Variants in TTF1 observed in about 807,000 individuals in gnomAD.
The protein encoded by TTF1 is transcription termination factor, RNA polymerase I.
In TTF1, 64 loss-of-function variants were observed where a neutral mutation model predicts 80.2. The ratio of observed to expected loss-of-function variants is 0.80; its 90% CI spans 0.65 to 0.98. The LOEUF is 0.98. TTF1 is among the 50% of genes least tolerant of loss of function. The pLI, the probability that TTF1 is intolerant of heterozygous loss-of-function variation, is 0.00. For synonymous variants in TTF1, 372 were observed against 382.7 expected (o/e 0.97, Z 0.33); for missense variants, 1,023 against 1,086.2 (o/e 0.94, Z 0.82).
chr9:132,396,030 C>T (rs1443165566), intron 5 of TTF1, among the ~76,000 whole-genome samples: 1 of 152,212 alleles, frequency 6.6e-6, no homozygotes, highest in Non-Finnish European at 1.5e-5. Context: ...CCAGCACTTA[C>T]CTCCACCTTC....
intron 10 of TTF1, among the ~76,000 whole-genome samples, chr9:132,377,860 G>C (rs553981771): frequency 3.6e-5 from 5 of 137,164 alleles, no homozygotes; most frequent in Non-Finnish European, 7.7e-5. Flanking sequence ...AATGCATGTG[G>C]TGTGAGTGCA....
rs775175174 is a variant in TTF1 at position 132,375,746 on chromosome 9, G to A, written c.*169C>T. 1.6e-4 allele frequency: 89 copies of A among 571,230 alleles called. 1 individual carries two copies. The highest frequency in any genetic ancestry group is 1.4e-3 in the Middle Eastern group (3 of 2,134). 35.4% of individuals were successfully genotyped at this position (571,230 alleles called of 1,614,324 possible). ...ATCTCTCTCTCTCATGCGGTGGTGC[G>A]ATCTTGGCTCACTGCAACCTCCACC... On this transcript the variant is annotated 3_prime_UTR_variant, in exon 11 of 11. Transcript: ENST00000334270.
At chr9:132,386,381 G>A (rs866888326) in intron 9 of TTF1, among the ~76,000 whole-genome samples, 175 bp downstream of exon 9, 5 of 152,176 alleles carry the variant, frequency 3.3e-5, no homozygotes, top group Admixed American at 1.3e-4. Context: ...TAAAATTACA[G>A]TTTCCTCTGC....
chr9:132,376,955 A>C (rs1849190111), intron 10 of TTF1, among the ~76,000 whole-genome samples: 1 of 152,156 alleles, frequency 6.6e-6, no homozygotes, highest in Non-Finnish European at 1.5e-5. Context: ...GATTACACAC[A>C]TAAGCCACTG....
chr9:132,387,295 C>A (rs192429076), intron 8 of TTF1, among the ~76,000 whole-genome samples: 67 of 152,262 alleles, frequency 4.4e-4, no homozygotes, highest in African/African-American at 1.5e-3. Context: ...TAACCCTCCC[C>A]CCCCAATCTA....
chr9:132,387,877 T>C (rs907929747), intron 8 of TTF1, among the ~76,000 whole-genome samples: 4 of 152,244 alleles, frequency 2.6e-5, no homozygotes, highest in African/African-American at 9.6e-5. Flanking sequence ...ACACGGAGTA[T>C]ACAGTATGTT....
chr9:132,397,645 GGA>G lies in TTF1; in HGVS notation c.1777+494_1777+495del, dbSNP rs551370660. ...CATTTAATTTTTCACCCTAAACTTG[GGA>G]GACATGAACACATTCCAAATCCCAG... On this transcript the variant is annotated intron_variant, in intron 4 of 10. Transcript: ENST00000334270. Among the ~76,000 whole-genome samples the G allele has an allele frequency of 3.7e-3, 566 of 152,284 alleles. 5 individuals carry two copies. Among genetic ancestry groups the G allele is most frequent in the African/African-American group, 0.013 (550 of 41,564 alleles).
chr9:132,387,017 G>A (rs1380539513), intron 8 of TTF1, among the ~76,000 whole-genome samples: 4 of 152,236 alleles, frequency 2.6e-5, no homozygotes, highest in Non-Finnish European at 5.9e-5. Context: ...GACTGCAGTG[G>A]CGTGATCGTG....
At chr9:132,377,106 A>G (rs985644244) in intron 10 of TTF1, among the ~76,000 whole-genome samples, 1 of 152,198 alleles carries the variant, frequency 6.6e-6, no homozygotes, top group Admixed American at 6.5e-5. Flanking sequence ...GAATATGTGT[A>G]TGCTTCTGTG....
rs1219366035 is a variant in TTF1, at chr9:132,398,342, A to G, written c.1592-16T>C. The G allele has an allele frequency of 6.3e-7, 1 of 1,590,168 alleles. No homozygotes were observed. The highest frequency in any genetic ancestry group is 8.5e-7 in the Non-Finnish European group (1 of 1,173,810). On this transcript the variant is annotated splice_polypyrimidine_tract_variant and intron_variant, in intron 3 of 10. Transcript: ENST00000334270. ...ATAGCGACACCTAGAATTGGGAAGG[A>G]ACAGGGAGAAAGTGTGTATTGTTAA...
Position 132,380,242 on chromosome 9 carries a change from T to G in TTF1, c.2379-1098A>C, listed in dbSNP as rs539377190. 3.9e-5 allele frequency among the ~76,000 whole-genome samples: 6 copies of G among 152,118 alleles called. No individual in the cohort carries two copies. In the East Asian group the frequency reaches 9.7e-4, roughly 24 times the overall value. The stretch of plus-strand genomic sequence containing the variant: ...CCACCACCACGCCCAGCTAAATTTT[T>G]GTATTTTTGTATTTTTAGTAAAGAT... On this transcript the variant is annotated intron_variant, in intron 9 of 10. Coordinates refer to ENST00000334270, the MANE Select transcript of TTF1 (RefSeq NM_007344.4).
At chr9:132,381,578 C>A (rs1212804139) in intron 9 of TTF1, among the ~76,000 whole-genome samples, 1 of 152,186 alleles carries the variant, frequency 6.6e-6, no homozygotes, top group South Asian at 2.1e-4. Flanking sequence ...GTGGGGTGCA[C>A]ATCAGCGTCA....
In TTF1 at chr9:132,400,080, T is replaced by A. The variant is rs748010246; in HGVS notation, c.1546A>T (p.Met516Leu). 1 of 1,614,202 alleles carries A rather than the reference T, an allele frequency of 6.2e-7. No individual in the cohort carries two copies. The highest frequency in any genetic ancestry group is 8.5e-7 in the Non-Finnish European group (1 of 1,180,042). ...KDRATSTIKRMYRDDLERFKE... is the reference protein window; with the variant it reads ...KDRATSTIKRLYRDDLERFKE... ...AACCGTTCCAAGTCGTCCCGGTACATCCGCTTGATTGTGCTGGTGGCCCTG... is the reference window on the plus strand; with the variant it reads ...AACCGTTCCAAGTCGTCCCGGTACAACCGCTTGATTGTGCTGGTGGCCCTG... Residue 516 changes from methionine (M) to leucine (L), a missense_variant, in exon 3 of 11, where the codon ATG (methionine) becomes TTG (leucine). Coordinates refer to ENST00000334270, the MANE Select transcript of TTF1 (RefSeq NM_007344.4).
intron 10 of TTF1, among the ~76,000 whole-genome samples, chr9:132,377,354 G>GGT (rs764616983): frequency 2.4e-5 from 3 of 126,014 alleles, no homozygotes; most frequent in Admixed American, 8.0e-5. Context: ...GAGTGCATGT[G>GGT]GTGTGTGTGA....
At chr9:132,398,450 G>A (rs1302722424) in intron 3 of TTF1, 124 bp from the exon 4 acceptor site, 3 of 929,754 alleles carry the variant, frequency 3.2e-6, no homozygotes, top group Non-Finnish European at 4.7e-6. Context: ...CCTGACATTC[G>A]CCCTCCTGCC....
At position 132,399,891 on chromosome 9, in the gene TTF1, G is replaced by A. The variant is rs929857536; in HGVS notation, c.1591+144C>T. 1.8e-5 allele frequency: 16 copies of A among 884,622 alleles called. No individual in the cohort carries two copies. In the Admixed American group the frequency reaches 4.4e-4, roughly 24 times the overall value. 54.8% of individuals were successfully genotyped at this position (884,622 alleles called of 1,614,324 possible). ...CTTTATTTTGCTAATTTTACAGCTTGGACAATTCTGGTAGGAGATAGAGGT... is the reference window on the plus strand; with the variant it reads ...CTTTATTTTGCTAATTTTACAGCTTAGACAATTCTGGTAGGAGATAGAGGT... On this transcript the variant is annotated intron_variant, in intron 3 of 10. Transcript: ENST00000334270.
At position 132,402,201 on chromosome 9, in the gene TTF1, A is replaced by C. The variant is rs1481136292; in HGVS notation, c.621T>G (p.Ile207Met). 1.2e-6 allele frequency: 2 copies of C among 1,613,892 alleles called. No individual in the cohort carries two copies. The highest frequency in any genetic ancestry group is 1.1e-5 in the South Asian group (1 of 91,072). Residue 207 changes from isoleucine to methionine, a missense_variant, in exon 2 of 11, where the codon ATT becomes ATG. Ile to Met is a conservative substitution (Grantham distance 10). Coordinates refer to ENST00000334270, the MANE Select transcript of TTF1 (RefSeq NM_007344.4). Reference sequence around the variant, plus strand: ...TATGAGCAGATGCTGGTAGTTCTGTAATTTCACCCCCTGGACCCACAGAAA... The same window carrying C: ...TATGAGCAGATGCTGGTAGTTCTGTCATTTCACCCCCTGGACCCACAGAAA... ...SWLSVGPGGE[I>M]TELPASAHKN...
At chr9:132,378,172 G>A (rs1234540944) in intron 10 of TTF1, among the ~76,000 whole-genome samples, 1 of 140,154 alleles carries the variant, frequency 7.1e-6, no homozygotes. Context: ...CATGTGGTGT[G>A]TGTGAATGCA....
intron 1 of TTF1, 82 bp from the exon 2 acceptor site, chr9:132,402,910 C>T: frequency 7.3e-7 from 1 of 1,363,050 alleles, no homozygotes. Context: ...GGCTGGAGTG[C>T]AGTGGCGCGA....
Sources: gnomAD v4.1 joint callset for allele counts (sites outside exome capture counted in the v4.1 genomes callset) on GRCh38, gnomAD v4.1.1 for gene constraint, MANE v1.5 for transcripts, NCBI Gene and HGNC (gene_info 2026-07-23, HGNC 2026-07-21) for gene names.